The following DGKZ variants were observed in gnomAD, a reference collection of about 807,000 sequenced individuals.
DGKZ encodes DAG kinase zeta.
A neutral mutation model predicts 142.5 loss-of-function variants in DGKZ; 45 were observed. The ratio of observed to expected loss-of-function variants is 0.32; its 90% CI spans 0.25 to 0.40. The LOEUF is 0.40. Ranked by LOEUF, DGKZ falls within the 10% of genes least tolerant of loss-of-function variation. DGKZ has a pLI of 1.00. For synonymous variants in DGKZ, 442 were observed against 527.0 expected (o/e 0.84, Z 2.21); for missense variants, 755 against 1,306.5 (o/e 0.58, Z 6.51).
intron 29 of DGKZ, 78 bp from the exon 30 acceptor site, chr11:46,379,391 C>T (rs1420065788): frequency 1.3e-6 from 2 of 1,573,254 alleles, no homozygotes; most frequent in Non-Finnish European, 1.7e-6. Context: ...ACTTCCTGCC[C>T]TTTCTGATGG....
rs777426713 is a variant in DGKZ, at chr11:46,366,945, G to A, written c.162-346G>A. ...CGCAGGCGCCAGGTAGCCCTACGGC[G>A]CAAGGCGGCCGGACCCCAGGCCTGG... On this transcript the variant is annotated intron_variant, in intron 1 of 30. Coordinates refer to ENST00000527911, the Ensembl canonical transcript of DGKZ. The A allele has an allele frequency of 1.9e-6, 3 of 1,539,078 alleles. No homozygotes were observed. Among genetic ancestry groups the A allele is most frequent in the Admixed American group, 1.9e-5 (1 of 51,712 alleles).
At chr11:46,354,372 C>G (rs935203280) in intron 1 of DGKZ, among the ~76,000 whole-genome samples, 8 of 152,104 alleles carry the variant, frequency 5.3e-5, no homozygotes, top group Non-Finnish European at 1.2e-4. Context: ...TTCTTTCTTT[C>G]TTTTGTAGAG....
upstream of DGKZ, among the ~76,000 whole-genome samples, chr11:46,344,643 G>T (rs973746460): frequency 1.3e-5 from 2 of 152,088 alleles, no homozygotes; most frequent in Non-Finnish European, 2.9e-5. Flanking sequence ...TAGTAGAAAT[G>T]GGGTTTCACC....
chr11:46,352,269 G>A (rs746433631), intron 1 of DGKZ, among the ~76,000 whole-genome samples: 1 of 152,250 alleles, frequency 6.6e-6, no homozygotes, highest in Non-Finnish European at 1.5e-5. Flanking sequence ...AGCAGCCCCT[G>A]GAGGCTGCCC....
rs529863622 is a variant in DGKZ, at chr11:46,347,809, C to T, written c.150C>T (p.Leu50=). The T allele has an allele frequency of 4.6e-4, 605 of 1,319,284 alleles. 5 individuals carry two copies. The South Asian group carries it at 0.011, about 24-fold the overall frequency. 81.7% of individuals were successfully genotyped at this position (1,319,284 alleles called of 1,614,324 possible). A position where few individuals can be genotyped will look rare whatever the true frequency, so the allele number is the denominator to read the frequency against. The stretch of plus-strand genomic sequence containing the variant: ...AGCGGCGCTTCCCGGGGCTGCGGCT[C>T]TTCGGGCACAGGTGAGCGGGGCGGC... Residue 50 remains leucine (L), a synonymous_variant, in exon 1 of 31, where the codon CTC becomes CTT. Coordinates refer to ENST00000527911, the Ensembl canonical transcript of DGKZ. This position sits in a 1 kb window ranked among gnomAD's most constrained non-coding sequence, Gnocchi z 6.4.
At chr11:46,370,733 C>T (rs749441647) in intron 6 of DGKZ, among the ~76,000 whole-genome samples, 3 of 152,056 alleles carry the variant, frequency 2.0e-5, no homozygotes, top group African/African-American at 7.2e-5. Flanking sequence ...TCAGGGGGCC[C>T]GGGCTAAGCC....
intron 1 of DGKZ, among the ~76,000 whole-genome samples, chr11:46,357,037 G>A (rs1361820272): frequency 6.6e-6 from 1 of 152,160 alleles, no homozygotes; most frequent in Non-Finnish European, 1.5e-5. Flanking sequence ...AAAGGTGATT[G>A]GGTGCTTTAG....
intron 1 of DGKZ, among the ~76,000 whole-genome samples, chr11:46,355,255 C>T (rs909391530): frequency 7.9e-5 from 12 of 151,688 alleles, no homozygotes; most frequent in African/African-American, 2.7e-4. Flanking sequence ...ACTACAGGCG[C>T]CCGCCACCAC....
At chr11:46,379,020 C>T in exon 28 of DGKZ, 1 of 1,586,340 alleles carries the variant, frequency 6.3e-7, no homozygotes, top group Non-Finnish European at 8.5e-7. Flanking sequence ...CTGGGGGCGA[C>T]CTCATGCACC....
chr11:46,380,213 G>A (rs1311202368), exon 31 of DGKZ: 3 of 363,450 alleles, frequency 8.3e-6, no homozygotes, highest in South Asian at 4.7e-5. Flanking sequence ...CTTTGCCGGG[G>A]TTCTGGGGCA....
chr11:46,339,302 A>C (rs535857809), intron 1 of DGKZ, among the ~76,000 whole-genome samples: 1 of 152,388 alleles, frequency 6.6e-6, no homozygotes, highest in East Asian at 1.9e-4. Flanking sequence ...TAAAGCAAGG[A>C]GCTGCCAGAG....
chr11:46,357,659 C>T (rs1942189472), intron 1 of DGKZ, among the ~76,000 whole-genome samples: 1 of 152,264 alleles, frequency 6.6e-6, no homozygotes, highest in African/African-American at 2.4e-5. Context: ...CCCAGATGCG[C>T]TAGACCTGGC....
Position 46,374,844 on chromosome 11 carries a change from G to C in DGKZ, c.1598+5G>C. The C allele has an allele frequency of 1.9e-6, 3 of 1,588,512 alleles. No individual in the cohort carries two copies. Among genetic ancestry groups the C allele is most frequent in the Admixed American group, 3.4e-5 (2 of 58,534 alleles). ...TGTTTTCCTGAACATCCCCAGGTGA[G>C]GAGGGGGCTACCGGAGCTGGGGGGA... is the stretch of plus-strand genomic sequence containing the variant. On this transcript the variant is annotated splice_donor_5th_base_variant and intron_variant, in intron 18 of 30. Coordinates refer to ENST00000527911, the Ensembl canonical transcript of DGKZ.
Position 46,367,509 on chromosome 11 carries a change from G to A in DGKZ, c.270+110G>A. Reference sequence around the variant, plus strand: ...TGGGAGAGCCAAGCCTGGAAGGGTTGGGACAGTGGGGCAGACGGAACAGAG... The same window carrying A: ...TGGGAGAGCCAAGCCTGGAAGGGTTAGGACAGTGGGGCAGACGGAACAGAG... On this transcript the variant is annotated intron_variant, in intron 2 of 30. Coordinates refer to ENST00000527911, the Ensembl canonical transcript of DGKZ. The surrounding 1 kb of genome is among the most constrained non-coding windows in gnomAD (Gnocchi z 4.1). 7.3e-7 allele frequency: 1 copy of A among 1,364,796 alleles called. No homozygotes were observed. The highest frequency in any genetic ancestry group is 1.3e-5 in the South Asian group (1 of 74,514). The allele number at this position is 1,364,796 out of a possible 1,614,324, so 84.5% of individuals were successfully genotyped here. A position where few individuals can be genotyped will look rare whatever the true frequency, so the allele number is the denominator to read the frequency against.
chr11:46,364,031 C>T (rs1045653094), intron 1 of DGKZ, among the ~76,000 whole-genome samples: 1 of 152,204 alleles, frequency 6.6e-6, no homozygotes, highest in Non-Finnish European at 1.5e-5. Context: ...GTGAGGATTA[C>T]ACGAGATGAT....
chr11:46,372,494 G>A lies in DGKZ; in HGVS notation c.994G>A (p.Gly332Arg). ...CCGACAAGTCTTCGACCTGAGCCAG[G>A]GAGGGCCCAAGGAGGCGTAAGTACT... The change falls in exon 11 of 31, where the codon GGA (glycine) becomes AGA (arginine). Residue 332 changes from glycine (G) to arginine (R), a missense_variant. Physicochemically the swap from Gly to Arg is moderately radical, Grantham distance 125 (BLOSUM62 -2). Coordinates refer to ENST00000527911, the Ensembl canonical transcript of DGKZ. This position sits in a 1 kb window ranked among gnomAD's most constrained non-coding sequence, Gnocchi z 5.9. 1 of 1,614,038 alleles carries A rather than the reference G, an allele frequency of 6.2e-7. No homozygotes were observed. The highest frequency in any genetic ancestry group is 8.5e-7 in the Non-Finnish European group (1 of 1,180,008).
At chr11:46,364,373 G>C (rs1163936393) in intron 1 of DGKZ, 1 of 1,289,052 alleles carries the variant, frequency 7.8e-7, no homozygotes, top group African/African-American at 1.5e-5. Context: ...TAGGGGCTCA[G>C]TAAATGTCAG....
rs1446082644 is a variant in DGKZ at position 46,372,254 on chromosome 11, G to A, written c.927+84G>A. On this transcript the variant is annotated intron_variant, in intron 10 of 30. Coordinates refer to ENST00000527911, the Ensembl canonical transcript of DGKZ. This position sits in a 1 kb window ranked among gnomAD's most constrained non-coding sequence, Gnocchi z 5.9. ...CTGCCAGCAGCTGTTCCCAGAGCCC[G>A]TTTCTGGCTTCTACCCCAATCCCTC... The A allele has an allele frequency of 9.9e-6, 14 of 1,410,440 alleles. No homozygotes were observed. Among genetic ancestry groups the A allele is most frequent in the Admixed American group, 6.3e-5 (3 of 47,328 alleles). 87.4% of individuals were successfully genotyped at this position (1,410,440 alleles called of 1,614,324 possible).
In DGKZ at chr11:46,369,858, G is replaced by T. The variant is rs529201013; in HGVS notation, c.502-83G>T. ...ACTGCAGAGCGCTTCCTGCAGCCCC[G>T]TGTGTTGAGCCGTGTGGGCAGTCCT... is the stretch of plus-strand genomic sequence containing the variant. On this transcript the variant is annotated intron_variant, in intron 5 of 30. Coordinates refer to ENST00000527911, the Ensembl canonical transcript of DGKZ. 2.1e-5 allele frequency: 31 copies of T among 1,459,240 alleles called. No homozygotes were observed. The East Asian group carries it at 6.6e-4, about 31-fold the overall frequency. The allele number at this position is 1,459,240 out of a possible 1,614,324, so 90.4% of individuals were successfully genotyped here.
Sources: gnomAD v4.1 joint callset for allele counts (sites outside exome capture counted in the v4.1 genomes callset) on GRCh38, gnomAD v4.1.1 for gene constraint, Gnocchi (gnomAD v3.1) non-coding constraint, MANE v1.5 for transcripts, NCBI Gene and HGNC (gene_info 2026-07-23, HGNC 2026-07-21) for gene names.